TPRG1: variants seen among roughly 807,000 people sequenced by gnomAD.
The protein encoded by TPRG1 is tumor protein p63-regulated gene 1 protein.
TPRG1 carries 29 observed loss-of-function variants against 29.3 expected under a neutral mutation model. That is an observed-to-expected ratio of 0.99 (90% CI 0.74 to 1.35). The LOEUF (loss-of-function observed/expected upper bound fraction) is 1.35. Among genes scored for constraint, TPRG1 ranks in the 40% most tolerant of loss-of-function variants. The probability of loss-of-function intolerance (pLI) is 0.00; values close to 1 mark genes in which losing one functional copy is unlikely to be tolerated. For missense variants in TPRG1, 327 were observed against 335.0 expected (o/e 0.98, Z 0.19); for synonymous variants, 130 against 116.8 (o/e 1.11, Z -0.73).
At chr3:189,003,881 T>G (rs1429348870) in intron 2 of TPRG1, among the ~76,000 whole-genome samples, 1 of 152,152 alleles carries the variant, frequency 6.6e-6, no homozygotes, top group Admixed American at 6.6e-5. Flanking sequence ...AGCTGTATAC[T>G]TAGATCTTGC....
chr3:189,133,041 A>G (rs1344320741), intron 3 of TPRG1, among the ~76,000 whole-genome samples: 1 of 152,234 alleles, frequency 6.6e-6, no homozygotes, highest in Non-Finnish European at 1.5e-5. Flanking sequence ...TGATGGTGCA[A>G]GGAAAACAGA....
At chr3:189,112,669 A>T (rs1425087230) in intron 1 of TPRG1, among the ~76,000 whole-genome samples, 1 of 147,160 alleles carries the variant, frequency 6.8e-6, no homozygotes, top group East Asian at 1.9e-4. Flanking sequence ...CAGGTTTGTC[A>T]AAGATCAGAT....
intron 1 of TPRG1, among the ~76,000 whole-genome samples, chr3:189,187,453 C>T (rs1375267191): frequency 6.6e-6 from 1 of 150,460 alleles, no homozygotes; most frequent in African/African-American, 2.5e-5. Flanking sequence ...ATTACAGACC[C>T]CGCCACCACG....
chr3:189,030,791 A>G (rs1392105137), intron 4 of TPRG1, among the ~76,000 whole-genome samples: 7 of 152,146 alleles, frequency 4.6e-5, no homozygotes, highest in African/African-American at 1.4e-4. Context: ...CTACCCTTCA[A>G]TTCTATGAAT....
Position 189,215,378 on chromosome 3 carries a change from GACAAAGTGAGTAGTCACAGCT to G in TPRG1, c.299_302+17del, listed in dbSNP as rs778192789. The G allele has an allele frequency of 5.0e-6, 8 of 1,610,864 alleles. No individual in the cohort carries two copies. Among genetic ancestry groups the G allele is most frequent in the Non-Finnish European group, 5.9e-6 (7 of 1,178,732 alleles). On this transcript the variant is annotated splice_donor_variant and splice_donor_5th_base_variant and coding_sequence_variant and intron_variant, in exon 3 of 6. Coordinates refer to ENST00000345063, the MANE Select transcript of TPRG1 (RefSeq NM_198485.4). LOFTEE classifies it high-confidence loss of function. Reference sequence around the variant, plus strand: ...AGACCATTCAAGGCTTCTGGCTCTTGACAAAGTGAGTAGTCACAGCTAAGTGAAGGGCCGTGGAAATACAGC... The same window carrying G: ...AGACCATTCAAGGCTTCTGGCTCTTGAAGTGAAGGGCCGTGGAAATACAGC...
intron 1 of TPRG1, among the ~76,000 whole-genome samples, chr3:189,192,222 ATCT>A (rs1280369371): frequency 6.6e-6 from 1 of 152,210 alleles, no homozygotes; most frequent in Non-Finnish European, 1.5e-5. Flanking sequence ...AGGATTTCAA[ATCT>A]TCTCTTGTCA....
intron 4 of TPRG1, among the ~76,000 whole-genome samples, chr3:189,262,784 G>C (rs1184528049): frequency 6.6e-6 from 1 of 152,188 alleles, no homozygotes; most frequent in Non-Finnish European, 1.5e-5. Flanking sequence ...AAAGTGTTGG[G>C]GCTGGGGGAT....
chr3:189,052,581 C>T (rs922502874), intron 4 of TPRG1, among the ~76,000 whole-genome samples: 2 of 152,156 alleles, frequency 1.3e-5, no homozygotes, highest in Non-Finnish European at 2.9e-5. Context: ...TCCAGCAATC[C>T]CACTACTGGG....
chr3:189,059,076 C>G (rs1004136214), intron 4 of TPRG1, among the ~76,000 whole-genome samples: 1 of 152,048 alleles, frequency 6.6e-6, no homozygotes, highest in Admixed American at 6.6e-5. Flanking sequence ...CTTGCTAGTT[C>G]TGTGATATTG....
chr3:189,212,008 A>C (rs1735340395), intron 2 of TPRG1: 1 of 77,674 alleles, frequency 1.3e-5, no homozygotes, highest in Non-Finnish European at 2.3e-5. Flanking sequence ...ATATTATGAT[A>C]ATCTTGGTTG....
intron 2 of TPRG1, among the ~76,000 whole-genome samples, chr3:189,129,580 G>A (rs1189514290): frequency 2.0e-5 from 3 of 152,028 alleles, no homozygotes; most frequent in Admixed American, 1.3e-4. Context: ...ACTAATTTTA[G>A]CCTCTTGTGG....
intron 1 of TPRG1, among the ~76,000 whole-genome samples, chr3:189,181,971 G>A (rs61531395): frequency 0.058 from 8,778 of 152,242 alleles, 628 homozygotes; most frequent in African/African-American, 0.17. Flanking sequence ...TACATGGATG[G>A]CAGCAGACAA....
intron 4 of TPRG1, among the ~76,000 whole-genome samples, chr3:189,243,944 A>T (rs1240561750): frequency 6.6e-6 from 1 of 152,156 alleles, no homozygotes; most frequent in Admixed American, 6.6e-5. Context: ...GAAAGTTCCA[A>T]ACGTTTCCTC....
At chr3:189,293,725 C>T (rs937539330) in intron 4 of TPRG1, among the ~76,000 whole-genome samples, 2 of 152,188 alleles carry the variant, frequency 1.3e-5, no homozygotes, top group Admixed American at 1.3e-4. Flanking sequence ...ACAAGTCTGT[C>T]TCCTCCTTTT....
chr3:189,054,095 A>G (rs1244403159), intron 4 of TPRG1, among the ~76,000 whole-genome samples: 2 of 152,008 alleles, frequency 1.3e-5, no homozygotes, highest in Non-Finnish European at 2.9e-5. Flanking sequence ...AAGCTTAATC[A>G]TTTCTAGCTT....
chr3:189,031,147 C>T (rs1381236335), intron 4 of TPRG1, among the ~76,000 whole-genome samples: 2 of 152,002 alleles, frequency 1.3e-5, no homozygotes, highest in East Asian at 3.9e-4. Flanking sequence ...AAAAATTATC[C>T]AGACGTGGTG....
chr3:189,088,602 T>G (rs1355421926), intron 4 of TPRG1, among the ~76,000 whole-genome samples: 1 of 152,196 alleles, frequency 6.6e-6, no homozygotes, highest in Non-Finnish European at 1.5e-5. Flanking sequence ...TATTAACTGT[T>G]TATTTCAGTT....
chr3:189,187,322 T>A (rs1731072289), intron 1 of TPRG1, among the ~76,000 whole-genome samples: 1 of 151,074 alleles, frequency 6.6e-6, no homozygotes, highest in South Asian at 2.1e-4. Context: ...TTTTGTTTTT[T>A]TTGAGATGGA....
At chr3:189,044,079 A>G (rs1327050221) in intron 4 of TPRG1, among the ~76,000 whole-genome samples, 2 of 152,188 alleles carry the variant, frequency 1.3e-5, no homozygotes, top group African/African-American at 4.8e-5. Context: ...TGCTTGATAA[A>G]TAAATGAATA....
Sources: allele counts gnomAD v4.1 joint callset (sites outside exome capture counted in the v4.1 genomes callset), GRCh38; gene constraint gnomAD v4.1.1; transcripts MANE v1.5; gene names NCBI Gene and HGNC (gene_info 2026-07-23, HGNC 2026-07-21).